MTHFD1L: variants seen among roughly 807,000 people sequenced by gnomAD.
MTHFD1L encodes monofunctional C1-tetrahydrofolate synthase, mitochondrial.
In MTHFD1L, 81 loss-of-function variants were observed where a neutral mutation model predicts 119.5. That is an observed-to-expected ratio of 0.68 (90% CI 0.57 to 0.82). The LOEUF is 0.82. Ranked by LOEUF, MTHFD1L falls within the 40% of genes least tolerant of loss-of-function variation. The pLI is 0.00. For synonymous variants in MTHFD1L, 430 were observed against 475.2 expected, an observed-to-expected ratio of 0.90 and a Z score of 1.24; for missense variants, 1,125 against 1,253.4, an observed-to-expected ratio of 0.90 and a Z score of 1.55.
chr6:151,003,284 C>T (rs574673526), intron 20 of MTHFD1L, among the ~76,000 whole-genome samples: 1 of 152,364 alleles, frequency 6.6e-6, no homozygotes, highest in South Asian at 2.1e-4. Flanking sequence ...GTAATCCCAA[C>T]ACTTTGGGAG....
intron 7 of MTHFD1L, among the ~76,000 whole-genome samples, chr6:150,903,706 T>C (rs1035594224): frequency 2.0e-4 from 30 of 152,312 alleles, no homozygotes; most frequent in African/African-American, 7.0e-4. Context: ...TTACCCAGCA[T>C]GGCAGCATGA....
intron 20 of MTHFD1L, among the ~76,000 whole-genome samples, chr6:150,993,006 C>T (rs1414373397): frequency 2.6e-5 from 4 of 152,126 alleles, no homozygotes; most frequent in East Asian, 3.9e-4. Flanking sequence ...TAAATTTTTT[C>T]GTATGTTTGA....
At position 150,990,134 on chromosome 6, in the gene MTHFD1L, C is replaced by A. The variant is rs140048547; in HGVS notation, c.2125+18076C>A. Among the ~76,000 whole-genome samples, 594 of 152,098 alleles carry A rather than the reference C, an allele frequency of 3.9e-3. 1 individual carries two copies. The highest frequency in any genetic ancestry group is 5.6e-3 in the Non-Finnish European group (381 of 67,978). Reference sequence around the variant, plus strand: ...TCTCTACTAAAAATACAAAAATTAGCCAGGTGAGGTGGTGCGTGCCTGTAG... The same window carrying A: ...TCTCTACTAAAAATACAAAAATTAGACAGGTGAGGTGGTGCGTGCCTGTAG... On this transcript the variant is annotated intron_variant, in intron 20 of 27. Transcript: ENST00000367321.
intron 20 of MTHFD1L, among the ~76,000 whole-genome samples, chr6:151,008,539 C>A (rs1159153144): frequency 1.3e-5 from 2 of 152,172 alleles, no homozygotes; most frequent in Non-Finnish European, 2.9e-5. Context: ...ACTGCTGATG[C>A]TGTTGATCAC....
chr6:151,090,950 T>C (rs1794342377), intron 26 of MTHFD1L, among the ~76,000 whole-genome samples: 1 of 133,450 alleles, frequency 7.5e-6, no homozygotes. Flanking sequence ...CATCGTTCCA[T>C]GCGACTGGGT....
chr6:151,083,195 A>ATT, intron 26 of MTHFD1L, among the ~76,000 whole-genome samples: 1 of 149,536 alleles, frequency 6.7e-6, no homozygotes, highest in African/African-American at 2.4e-5. Flanking sequence ...ATGAAATGCA[A>ATT]TTTTTTTTTT....
Position 151,014,876 on chromosome 6 carries a change from A to G in MTHFD1L, c.2308-4A>G. 2 of 1,613,424 alleles carry G rather than the reference A, an allele frequency of 1.2e-6. No individual in the cohort carries two copies. The highest frequency in any genetic ancestry group is 1.7e-6 in the Non-Finnish European group (2 of 1,179,788). ...TCTGGGTTTTGCTTTTTTCTTTTTTACAGAACATCCAGCTGGTGGCAGACG... is the reference window on the plus strand; with the variant it reads ...TCTGGGTTTTGCTTTTTTCTTTTTTGCAGAACATCCAGCTGGTGGCAGACG... On this transcript the variant is annotated splice_region_variant and splice_polypyrimidine_tract_variant and intron_variant, in intron 22 of 27. Coordinates refer to ENST00000367321, the MANE Select transcript of MTHFD1L (RefSeq NM_015440.5).
intron 8 of MTHFD1L, among the ~76,000 whole-genome samples, chr6:150,913,961 C>G (rs1668083231): frequency 6.6e-6 from 1 of 152,160 alleles, no homozygotes; most frequent in Non-Finnish European, 1.5e-5. Context: ...AACCCTGCCT[C>G]TACTAAAAAA....
chr6:150,960,174 C>T (rs972955216), intron 17 of MTHFD1L, 101 bp from the exon 18 acceptor site: 1 of 1,449,504 alleles, frequency 6.9e-7, no homozygotes, highest in Non-Finnish European at 9.2e-7. Context: ...GGTAGACTCT[C>T]TGGGCCTGTG....
At chr6:151,009,673 A>G (rs1175683549) in intron 20 of MTHFD1L, 146 bp from the exon 21 acceptor site, 13 of 962,174 alleles carry the variant, frequency 1.4e-5, no homozygotes, top group Non-Finnish European at 1.9e-5. Context: ...GAACATTTCT[A>G]TGACAATGGG....
chr6:150,965,573 A>C (rs1291393291), intron 19 of MTHFD1L, among the ~76,000 whole-genome samples: 1 of 151,960 alleles, frequency 6.6e-6, no homozygotes, highest in Non-Finnish European at 1.5e-5. Context: ...AGGCAGGAGA[A>C]TCGCTTGAAC....
intron 21 of MTHFD1L, among the ~76,000 whole-genome samples, chr6:151,013,291 G>A (rs12111049): frequency 0.032 from 4,899 of 152,216 alleles, 290 homozygotes; most frequent in African/African-American, 0.11. Context: ...GAGGCAGGAG[G>A]ATCACTTGAG....
At chr6:150,882,688 T>C in intron 4 of MTHFD1L, 74 bp from the exon 5 acceptor site, 1 of 1,131,176 alleles carries the variant, frequency 8.8e-7, no homozygotes, top group African/African-American at 1.7e-5. Context: ...ATCCACTTTT[T>C]ATATAAAGCT....
intron 24 of MTHFD1L, among the ~76,000 whole-genome samples, chr6:151,018,679 T>TG (rs1562547944): frequency 6.6e-6 from 1 of 152,086 alleles, no homozygotes; most frequent in Non-Finnish European, 1.5e-5. Context: ...ATTGGAGGTC[T>TG]GGGGGGAGAC....
At chr6:151,090,828 G>A (rs1474791853) in intron 26 of MTHFD1L, among the ~76,000 whole-genome samples, 2 of 151,142 alleles carry the variant, frequency 1.3e-5, no homozygotes, top group Admixed American at 6.6e-5. Context: ...TCCTCCAAGC[G>A]ACTGGGTGCA....
intron 1 of MTHFD1L, among the ~76,000 whole-genome samples, chr6:150,872,212 G>T (rs1779668486): frequency 1.3e-5 from 2 of 152,092 alleles, no homozygotes; most frequent in African/African-American, 4.8e-5. Context: ...TGTATCCACG[G>T]GAGTAGCACT....
chr6:150,909,028 CG>C lies in MTHFD1L; in HGVS notation c.892+3268del, dbSNP rs1231546621. Among the ~76,000 whole-genome samples the C allele has an allele frequency of 2.6e-5, 4 of 151,814 alleles. No homozygotes were observed. In the East Asian group the frequency reaches 7.7e-4, roughly 29 times the overall value. On this transcript the variant is annotated intron_variant, in intron 8 of 27. Transcript: ENST00000367321. ...GTACAGAGTCCCTCCTCCTTACCCCCGTAAAAATAGATGGGATGTTGTGATT... is the reference window on the plus strand; with the variant it reads ...GTACAGAGTCCCTCCTCCTTACCCCCTAAAAATAGATGGGATGTTGTGATT...
intron 8 of MTHFD1L, among the ~76,000 whole-genome samples, chr6:150,908,902 A>G (rs1190280593): frequency 6.6e-6 from 1 of 152,158 alleles, no homozygotes; most frequent in Non-Finnish European, 1.5e-5. Flanking sequence ...ATTAAAAAGA[A>G]AAGAGCTCTT....
intron 15 of MTHFD1L, among the ~76,000 whole-genome samples, chr6:150,946,135 G>T (rs775037636): frequency 6.6e-6 from 1 of 152,206 alleles, no homozygotes; most frequent in East Asian, 1.9e-4. Context: ...TATCTCATTT[G>T]TGGTTTTCTG....
Sources: allele counts gnomAD v4.1 joint callset (sites outside exome capture counted in the v4.1 genomes callset), GRCh38; gene constraint gnomAD v4.1.1; transcripts MANE v1.5; gene names NCBI Gene and HGNC (gene_info 2026-07-23, HGNC 2026-07-21).